GPC5: variants seen among roughly 807,000 people sequenced by gnomAD.
GPC5 encodes glypican-5.
Under a neutral mutation model 53.9 loss-of-function variants are expected in GPC5, and 47 were observed. The ratio of observed to expected loss-of-function variants is 0.87; its 90% CI spans 0.69 to 1.11. The LOEUF (loss-of-function observed/expected upper bound fraction) is 1.11. GPC5 is among the 50% of genes most tolerant of loss of function. The pLI, the probability that GPC5 is intolerant of heterozygous loss-of-function variation, is 0.00. For missense variants in GPC5, 748 were observed against 713.1 expected, an observed-to-expected ratio of 1.05 and a Z score of -0.56; for synonymous variants, 286 against 263.3, an observed-to-expected ratio of 1.09 and a Z score of -0.84.
chr13:91,659,144 A>G (rs1458252859), intron 2 of GPC5, among the ~76,000 whole-genome samples: 2 of 152,232 alleles, frequency 1.3e-5, no homozygotes, highest in Non-Finnish European at 2.9e-5. Context: ...AATTAAATAT[A>G]GCCTTGTAAT....
intron 2 of GPC5, 150 bp from the exon 3 acceptor site, chr13:91,693,037 C>T: frequency 1.6e-6 from 1 of 631,016 alleles, no homozygotes; most frequent in South Asian, 2.0e-5. Flanking sequence ...CGGTCATTAT[C>T]CTTGGAAAGC....
intron 7 of GPC5, among the ~76,000 whole-genome samples, chr13:92,736,339 C>G (rs1888934307): frequency 6.6e-6 from 1 of 151,962 alleles, no homozygotes; most frequent in Admixed American, 6.6e-5. Context: ...GAAACAAAAA[C>G]TCTTTGCTGT....
Position 92,108,452 on chromosome 13 carries a change from C to T in GPC5, c.1402-36378C>T, listed in dbSNP as rs538779390. On this transcript the variant is annotated intron_variant, in intron 6 of 7. Coordinates refer to ENST00000377067, the MANE Select transcript of GPC5 (RefSeq NM_004466.6). ...GGCTCATTCCCATATAGAAAGGAGC[C>T]TGCAGGGCTGGGATTTTACCCTAGG... is the stretch of plus-strand genomic sequence containing the variant. Among the ~76,000 whole-genome samples, 14 of 152,254 alleles carry T rather than the reference C, an allele frequency of 9.2e-5. 1 individual carries two copies. Among genetic ancestry groups the T allele is most frequent in the Admixed American group, 8.5e-4 (13 of 15,284 alleles).
At chr13:92,543,071 A>G (rs1303301485) in intron 7 of GPC5, among the ~76,000 whole-genome samples, 2 of 152,122 alleles carry the variant, frequency 1.3e-5, no homozygotes, top group East Asian at 3.9e-4. Flanking sequence ...TAAGTGTTGC[A>G]TGCCTTTTCT....
intron 7 of GPC5, among the ~76,000 whole-genome samples, chr13:92,539,400 T>A (rs1881850524): frequency 6.6e-6 from 1 of 152,162 alleles, no homozygotes; most frequent in Non-Finnish European, 1.5e-5. Flanking sequence ...TGGTTTTGAT[T>A]CGCATTTCTC....
At chr13:92,782,100 G>A (rs1014250225) in intron 7 of GPC5, among the ~76,000 whole-genome samples, 1 of 148,450 alleles carries the variant, frequency 6.7e-6, no homozygotes, top group Non-Finnish European at 1.5e-5. Context: ...AAGGAAAGAA[G>A]GAGTGGGGGG....
chr13:91,479,813 T>G (rs768978759), intron 2 of GPC5, among the ~76,000 whole-genome samples: 1 of 152,194 alleles, frequency 6.6e-6, no homozygotes, highest in Non-Finnish European at 1.5e-5. Flanking sequence ...ATTAGAATGA[T>G]GTAGAATAGA....
At chr13:91,498,574 G>C (rs1223188142) in intron 2 of GPC5, among the ~76,000 whole-genome samples, 2 of 152,064 alleles carry the variant, frequency 1.3e-5, no homozygotes, top group Admixed American at 6.6e-5. Flanking sequence ...TAGTAGGTTG[G>C]GGAATCTGGG....
At chr13:92,762,898 T>G (rs1040469821) in intron 7 of GPC5, among the ~76,000 whole-genome samples, 1 of 152,006 alleles carries the variant, frequency 6.6e-6, no homozygotes, top group Admixed American at 6.6e-5. Context: ...CTGTTGAAGC[T>G]CTGTGTTTTA....
chr13:91,911,068 T>C (rs1164086962), intron 6 of GPC5, among the ~76,000 whole-genome samples: 1 of 152,076 alleles, frequency 6.6e-6, no homozygotes, highest in African/African-American at 2.4e-5. Context: ...GAAGGAAAAG[T>C]AGGCGCAAAG....
chr13:91,603,923 AT>A (rs200727259), intron 2 of GPC5, among the ~76,000 whole-genome samples: 102 of 142,538 alleles, frequency 7.2e-4, no homozygotes, highest in East Asian at 3.3e-3. Flanking sequence ...TTCTAGTAGT[AT>A]TTTTTTTTCC....
intron 5 of GPC5, among the ~76,000 whole-genome samples, chr13:91,772,728 C>A (rs1230327623): frequency 1.3e-5 from 2 of 152,120 alleles, no homozygotes; most frequent in Non-Finnish European, 2.9e-5. Flanking sequence ...TTACTGATTT[C>A]CCAAGCCTCA....
intron 7 of GPC5, chr13:92,240,367 A>G (rs1460555044): frequency 6.6e-6 from 1 of 152,066 alleles, no homozygotes; most frequent in African/African-American, 2.4e-5. Context: ...TTTTATGTAT[A>G]TTGACTATGA....
chr13:91,494,953 C>A (rs2139269416), intron 2 of GPC5, among the ~76,000 whole-genome samples: 1 of 152,332 alleles, frequency 6.6e-6, no homozygotes, highest in South Asian at 2.1e-4. Context: ...CTGCTATCTT[C>A]ATCCCAGACC....
At chr13:91,400,337 C>T (rs1876840497) in intron 1 of GPC5, among the ~76,000 whole-genome samples, 1 of 152,158 alleles carries the variant, frequency 6.6e-6, no homozygotes, top group African/African-American at 2.4e-5. Flanking sequence ...GAAAGAAAAT[C>T]TAGGCATTCG....
intron 7 of GPC5, among the ~76,000 whole-genome samples, chr13:92,477,283 C>T (rs75315606): frequency 1.3e-5 from 2 of 152,060 alleles, no homozygotes; most frequent in Non-Finnish European, 2.9e-5. Context: ...AGTAATCCCA[C>T]ATAACCTTAT....
chr13:91,563,342 G>T (rs1221242370), intron 2 of GPC5, among the ~76,000 whole-genome samples: 4 of 151,994 alleles, frequency 2.6e-5, no homozygotes, highest in Non-Finnish European at 5.9e-5. Flanking sequence ...ATAATATCGG[G>T]AATTATGATT....
chr13:92,697,458 C>G (rs1887592021), intron 7 of GPC5, among the ~76,000 whole-genome samples: 1 of 152,082 alleles, frequency 6.6e-6, no homozygotes, highest in Non-Finnish European at 1.5e-5. Flanking sequence ...CTCTTTTTAG[C>G]AATTGTTAAT....
intron 5 of GPC5, among the ~76,000 whole-genome samples, chr13:91,876,200 A>C (rs1408321810): frequency 1.3e-5 from 2 of 152,164 alleles, no homozygotes; most frequent in Admixed American, 6.6e-5. Flanking sequence ...CTTTATCAGC[A>C]GCGTGAAAAC....
Sources: allele counts gnomAD v4.1 joint callset (sites outside exome capture counted in the v4.1 genomes callset), GRCh38; gene constraint gnomAD v4.1.1; transcripts MANE v1.5; gene names NCBI Gene and HGNC (gene_info 2026-07-23, HGNC 2026-07-21).